The following L3MBTL4 variants were observed in gnomAD, a reference collection of about 807,000 sequenced individuals.
L3MBTL4 encodes the protein lethal(3)malignant brain tumor-like protein 4.
Under a neutral mutation model 84.5 loss-of-function variants are expected in L3MBTL4, and 70 were observed. That is an observed-to-expected ratio of 0.83 (90% CI 0.68 to 1.01). L3MBTL4 has a LOEUF of 1.01. Among genes scored for constraint, L3MBTL4 ranks in the 50% least tolerant of loss-of-function variants. The pLI is 0.00. For missense variants in L3MBTL4, 715 were observed against 754.8 expected (o/e 0.95, Z 0.62); for synonymous variants, 274 against 259.8 (o/e 1.05, Z -0.52).
At chr18:6,275,903 T>C (rs889593382) in intron 4 of L3MBTL4, among the ~76,000 whole-genome samples, 3 of 152,220 alleles carry the variant, frequency 2.0e-5, no homozygotes, top group African/African-American at 7.2e-5. Flanking sequence ...AGCTGGGAAC[T>C]GCTTAGGGCA....
chr18:6,169,972 C>A (rs1429234200), intron 13 of L3MBTL4, among the ~76,000 whole-genome samples: 1 of 152,140 alleles, frequency 6.6e-6, no homozygotes, highest in Non-Finnish European at 1.5e-5. Context: ...GAGAATGTCA[C>A]ATTATTTCCT....
intron 12 of L3MBTL4, among the ~76,000 whole-genome samples, chr18:6,199,887 G>C (rs963439315): frequency 3.3e-5 from 5 of 152,170 alleles, no homozygotes; most frequent in African/African-American, 1.2e-4. Context: ...ATAAATCTCT[G>C]GGCTCTCACT....
intron 4 of L3MBTL4, among the ~76,000 whole-genome samples, chr18:6,289,185 A>G (rs1301870029): frequency 6.6e-6 from 1 of 152,154 alleles, no homozygotes; most frequent in Non-Finnish European, 1.5e-5. Context: ...AAAGATTTAT[A>G]AAGAATGGGT....
At chr18:6,025,433 T>C (rs1166951998) in intron 16 of L3MBTL4, among the ~76,000 whole-genome samples, 2 of 152,228 alleles carry the variant, frequency 1.3e-5, no homozygotes, top group Non-Finnish European at 2.9e-5. Flanking sequence ...ACTTCAGACA[T>C]GCCTACGCCT....
At chr18:6,398,353 G>A (rs2055363170) in intron 1 of L3MBTL4, among the ~76,000 whole-genome samples, 1 of 152,178 alleles carries the variant, frequency 6.6e-6, no homozygotes, top group East Asian at 1.9e-4. Flanking sequence ...TAAGACAAAA[G>A]AATGCTGGAC....
intron 1 of L3MBTL4, among the ~76,000 whole-genome samples, chr18:6,324,606 A>T (rs767847671): frequency 6.6e-6 from 1 of 152,196 alleles, no homozygotes; most frequent in Admixed American, 6.5e-5. Context: ...AGCTCATGGC[A>T]CTGCAGTTAC....
At chr18:5,982,008 GTT>G (rs71163254) in intron 16 of L3MBTL4, among the ~76,000 whole-genome samples, 2 of 94,738 alleles carry the variant, frequency 2.1e-5, no homozygotes, top group African/African-American at 1.8e-4. Flanking sequence ...GTGTGTGTGT[GTT>G]TTGGGAAAAA....
intron 14 of L3MBTL4, among the ~76,000 whole-genome samples, chr18:6,097,683 G>A (rs1230216411): frequency 6.6e-6 from 1 of 152,190 alleles, no homozygotes; most frequent in Non-Finnish European, 1.5e-5. Context: ...TGATGTCTGT[G>A]CAAATGCCAT....
At chr18:6,138,664 GC>G (rs2060107460) in intron 13 of L3MBTL4, among the ~76,000 whole-genome samples, 1 of 152,068 alleles carries the variant, frequency 6.6e-6, no homozygotes, top group African/African-American at 2.4e-5. Flanking sequence ...CAATTCTCCT[GC>G]CTCAGCCTCC....
intron 18 of L3MBTL4, among the ~76,000 whole-genome samples, chr18:5,957,105 T>C (rs1247996584): frequency 7.9e-5 from 12 of 152,216 alleles, no homozygotes; most frequent in Admixed American, 7.9e-4. Flanking sequence ...ATTTAATCCT[T>C]TCAACTTTCC....
chr18:6,065,776 T>C (rs939296301), intron 16 of L3MBTL4, among the ~76,000 whole-genome samples: 4 of 152,056 alleles, frequency 2.6e-5, no homozygotes, highest in Non-Finnish European at 5.9e-5. Flanking sequence ...TAATGGTCTA[T>C]CAAATTTGTT....
intron 1 of L3MBTL4, among the ~76,000 whole-genome samples, chr18:6,409,321 C>T (rs988992117): frequency 6.6e-6 from 1 of 152,140 alleles, no homozygotes. Context: ...GGACCAAATA[C>T]TATTTTTTAT....
In L3MBTL4 at chr18:6,405,899, T is replaced by G. The variant is rs74810476; in HGVS notation, c.-91+8902A>C. Among the ~76,000 whole-genome samples the G allele has an allele frequency of 4.0e-3, 604 of 152,362 alleles. 2 individuals are homozygous for G. Among genetic ancestry groups the G allele is most frequent in the African/African-American group, 0.014 (562 of 41,586 alleles). On this transcript the variant is annotated intron_variant, in intron 1 of 18. Transcript: ENST00000317931. The stretch of plus-strand genomic sequence containing the variant: ...TGAGTTTCCTGGAACAGGTCCAGTC[T>G]GGGTGTCTGTGTGGTCCTCCTAATA...
At chr18:6,110,818 A>G (rs1214746526) in intron 14 of L3MBTL4, among the ~76,000 whole-genome samples, 1 of 152,162 alleles carries the variant, frequency 6.6e-6, no homozygotes, top group Non-Finnish European at 1.5e-5. Context: ...GTAGAGTAAT[A>G]AAAGAACAAG....
chr18:6,342,596 T>C (rs1247811063), intron 1 of L3MBTL4, among the ~76,000 whole-genome samples: 1 of 151,402 alleles, frequency 6.6e-6, no homozygotes, highest in Non-Finnish European at 1.5e-5. Context: ...AAGAGAAAGA[T>C]AGAGGAATCA....
intron 13 of L3MBTL4, among the ~76,000 whole-genome samples, chr18:6,145,595 T>G (rs1016797147): frequency 1.3e-5 from 2 of 152,154 alleles, no homozygotes; most frequent in African/African-American, 2.4e-5. Flanking sequence ...AGTTTTTTTT[T>G]TTTTTGTAAT....
chr18:6,298,560 C>A (rs2050200066), intron 4 of L3MBTL4, among the ~76,000 whole-genome samples: 1 of 152,158 alleles, frequency 6.6e-6, no homozygotes, highest in Non-Finnish European at 1.5e-5. Flanking sequence ...TTCTTATACT[C>A]CTTTTATGTT....
chr18:6,003,134 CTA>C (rs997287358), intron 16 of L3MBTL4, among the ~76,000 whole-genome samples: 11 of 99,152 alleles, frequency 1.1e-4, no homozygotes, highest in African/African-American at 4.5e-4. Context: ...TATAGTATCT[CTA>C]TTTATAGAGA....
intron 16 of L3MBTL4, among the ~76,000 whole-genome samples, chr18:5,984,974 A>G (rs920209765): frequency 1.3e-5 from 2 of 151,840 alleles, no homozygotes; most frequent in Non-Finnish European, 2.9e-5. Flanking sequence ...CATAATTCTC[A>G]ACTTTTCCAT....
Sources: allele counts gnomAD v4.1 joint callset (sites outside exome capture counted in the v4.1 genomes callset), GRCh38; gene constraint gnomAD v4.1.1; transcripts MANE v1.5; gene names NCBI Gene and HGNC (gene_info 2026-07-23, HGNC 2026-07-21).